Variants in MFN2 observed in about 807,000 individuals in gnomAD.
The protein encoded by MFN2 is mitofusin 2, also known as mitofusin-2.
Under a neutral mutation model 87.5 loss-of-function variants are expected in MFN2, and 43 were observed. That is an observed-to-expected ratio of 0.49 (90% CI 0.38 to 0.63). The LOEUF (loss-of-function observed/expected upper bound fraction) is 0.63, where lower values mean the gene tolerates loss of function less well. Among genes scored for constraint, MFN2 ranks in the 30% least tolerant of loss-of-function variants. The probability of loss-of-function intolerance (pLI) is 0.00; values close to 1 mark genes in which losing one functional copy is unlikely to be tolerated. For missense variants in MFN2, 743 were observed against 972.8 expected (o/e 0.76, Z 3.14); for synonymous variants, 337 against 359.9 (o/e 0.94, Z 0.72).
chr1:12,005,117 C>T (rs1479887139), intron 14 of MFN2, among the ~76,000 whole-genome samples, 190 bp downstream of exon 14: 11 of 152,172 alleles, frequency 7.2e-5, no homozygotes, highest in Non-Finnish European at 1.0e-4. Flanking sequence ...AGTCGCACTC[C>T]GTAACCCAGG....
chr1:12,007,215 T>C lies in MFN2; in HGVS notation c.2035T>C (p.Tyr679His). Residue 679 changes from tyrosine (Y) to histidine (H), a missense_variant, in exon 17 of 19, where the codon TAC becomes CAC. Tyr to His is a moderately conservative substitution (Grantham distance 83). This residue lies in a region of MFN2 where 571 missense variants were observed against 670.7 expected (regional missense o/e 0.85). Coordinates refer to ENST00000235329, the MANE Select transcript of MFN2 (RefSeq NM_014874.4). ...ASEKLQLVISYTGSNCSHQVQ... is the reference protein window; with the variant it reads ...ASEKLQLVISHTGSNCSHQVQ... ...CGAGAAGCTGCAGCTTGTCATCAGC[T>C]ACACTGGCTCCAACTGCAGCCACCA... 6.2e-7 allele frequency: 1 copy of C among 1,614,098 alleles called. No homozygotes were observed. The highest frequency in any genetic ancestry group is 8.5e-7 in the Non-Finnish European group (1 of 1,180,028).
intron 6 of MFN2, 58 bp downstream of exon 6, chr1:11,997,479 C>G (rs1211475643): frequency 6.2e-7 from 1 of 1,609,946 alleles, no homozygotes; most frequent in East Asian, 2.2e-5. Flanking sequence ...GTTTCCATTT[C>G]TGGATAATCT....
At chr1:12,007,381 G>A in intron 17 of MFN2, 132 bp downstream of exon 17, 2 of 1,152,202 alleles carry the variant, frequency 1.7e-6, no homozygotes. Context: ...TGGGCCTTCA[G>A]GTGTGCAGGG....
At chr1:12,011,251 A>C (rs924379017) in intron 18 of MFN2, among the ~76,000 whole-genome samples, 9 of 152,184 alleles carry the variant, frequency 5.9e-5, no homozygotes, top group Non-Finnish European at 1.3e-4. Flanking sequence ...GGGTGAAGGA[A>C]ACACAGGGCT....
At chr1:11,995,864 A>G (rs1253363165) in intron 4 of MFN2, among the ~76,000 whole-genome samples, 1 of 152,188 alleles carries the variant, frequency 6.6e-6, no homozygotes, top group African/African-American at 2.4e-5. Flanking sequence ...ACAGACAGAC[A>G]GTCTCTATAA....
intron 6 of MFN2, 104 bp from the exon 7 acceptor site, chr1:11,998,666 C>A: frequency 1.9e-6 from 2 of 1,026,738 alleles, no homozygotes; most frequent in Non-Finnish European, 3.1e-6. Flanking sequence ...CCCTGGCTTT[C>A]TCCTCCATGA....
intron 3 of MFN2, among the ~76,000 whole-genome samples, chr1:11,991,102 G>C (rs1470819258): frequency 6.6e-6 from 1 of 152,226 alleles, no homozygotes; most frequent in Non-Finnish European, 1.5e-5. Context: ...CAGGACAGTG[G>C]TGGGATCTCA....
intron 2 of MFN2, among the ~76,000 whole-genome samples, chr1:11,985,420 A>G (rs962629084): frequency 6.7e-6 from 1 of 148,360 alleles, no homozygotes; most frequent in Non-Finnish European, 1.5e-5. Context: ...AAAACCTGTC[A>G]TAGGTAGTGC....
chr1:12,002,072 G>A lies in MFN2; in HGVS notation c.1129G>A (p.Asp377Asn). ...TGCAGAGGCGGTTCGACTCATCATG[G>A]ACTCCCTGCACATGGCGGCTCGGGA... is the stretch of plus-strand genomic sequence containing the variant. ...QIAEAVRLIM[D>N]SLHMAAREQQ... Residue 377 changes from aspartate (D) to asparagine (N), a missense_variant, in exon 11 of 19, where the codon GAC becomes AAC. Coordinates refer to ENST00000235329, the MANE Select transcript of MFN2 (RefSeq NM_014874.4). The A allele has an allele frequency of 6.2e-7, 1 of 1,614,254 alleles. No homozygotes were observed. Among genetic ancestry groups the A allele is most frequent in the Non-Finnish European group, 8.5e-7 (1 of 1,180,042 alleles).
At chr1:11,990,388 C>G (rs767040386) in intron 3 of MFN2, among the ~76,000 whole-genome samples, 27 of 152,198 alleles carry the variant, frequency 1.8e-4, no homozygotes, top group Non-Finnish European at 3.4e-4. Context: ...GAAATAATCC[C>G]AACTCATTGC....
chr1:11,988,470 T>G (rs1474982264), intron 2 of MFN2, among the ~76,000 whole-genome samples: 2 of 150,144 alleles, frequency 1.3e-5, no homozygotes, highest in African/African-American at 4.9e-5. Context: ...AACTCCAAAG[T>G]TCAAGTGATC....
chr1:12,009,333 G>A (rs1156405677), intron 17 of MFN2, among the ~76,000 whole-genome samples: 1 of 152,226 alleles, frequency 6.6e-6, no homozygotes, highest in African/African-American at 2.4e-5. Flanking sequence ...AGCAGAGTCA[G>A]GATCTCTTGT....
rs374055101 is a variant in MFN2, at chr1:11,992,548, C to T, written c.176-7C>T. ...CGTGGTGACCCATTTTCAATCCCCA[C>T]CTCCAGACACGTACAGGAATGCAGA... is the stretch of plus-strand genomic sequence containing the variant. On this transcript the variant is annotated splice_region_variant and splice_polypyrimidine_tract_variant and intron_variant, in intron 3 of 18. Coordinates refer to ENST00000235329, the MANE Select transcript of MFN2 (RefSeq NM_014874.4). 251 of 1,614,190 alleles carry T rather than the reference C, an allele frequency of 1.6e-4. 4 individuals carry two copies. The South Asian group carries it at 2.6e-3, about 17-fold the overall frequency.
At chr1:11,999,122 G>A in intron 8 of MFN2, 27 bp downstream of exon 8, 1 of 1,598,962 alleles carries the variant, frequency 6.3e-7, no homozygotes, top group Non-Finnish European at 8.6e-7. Flanking sequence ...GGCAGTTTGG[G>A]GAATGCAACC....
intron 2 of MFN2, among the ~76,000 whole-genome samples, chr1:11,984,948 C>G (rs1248309480): frequency 6.6e-6 from 1 of 152,226 alleles, no homozygotes; most frequent in Non-Finnish European, 1.5e-5. Flanking sequence ...GCTAGGTAGG[C>G]TGCTCCATCA....
At chr1:11,994,948 C>G (rs561398249) in intron 4 of MFN2, among the ~76,000 whole-genome samples, 1 of 152,200 alleles carries the variant, frequency 6.6e-6, no homozygotes, top group Non-Finnish European at 1.5e-5. Flanking sequence ...GAGCTATTCT[C>G]AAGAAGCAGA....
At chr1:12,006,976 G>A in intron 16 of MFN2, 77 bp from the exon 17 acceptor site, 3 of 1,563,462 alleles carry the variant, frequency 1.9e-6, no homozygotes, top group Non-Finnish European at 2.6e-6. Context: ...CCCTTCAGAT[G>A]GCCCTGGTAG....
chr1:11,984,927 T>C lies in MFN2; in HGVS notation c.-5+2813T>C, dbSNP rs539414999. ...TAATAACCTGGTAAACGTAAGTAAG[T>C]GTTTCCCTGGGCTAGGTAGGCTGCT... On this transcript the variant is annotated intron_variant, in intron 2 of 18. Transcript: ENST00000235329. Among the ~76,000 whole-genome samples the C allele has an allele frequency of 1.6e-3, 251 of 152,326 alleles. 3 individuals carry two copies. The highest frequency in any genetic ancestry group is 0.014 in the South Asian group (67 of 4,830).
At chr1:12,009,527 G>A (rs1323308324) in intron 17 of MFN2, 65 bp from the exon 18 acceptor site, 2 of 1,611,060 alleles carry the variant, frequency 1.2e-6, no homozygotes, top group Non-Finnish European at 1.7e-6. Context: ...ACTGTGGGTG[G>A]GCTAAGCCAC....
Sources: gnomAD v4.1 joint callset for allele counts (sites outside exome capture counted in the v4.1 genomes callset) on GRCh38, gnomAD v4.1.1 for gene constraint, gnomAD v4.1.1 regional missense constraint, MANE v1.5 for transcripts, NCBI Gene and HGNC (gene_info 2026-07-23, HGNC 2026-07-21) for gene names.